FAM219A: variants seen among roughly 807,000 people sequenced by gnomAD.
The protein encoded by FAM219A is family with sequence similarity 219 member A.
In FAM219A, 7 loss-of-function variants were observed where a neutral mutation model predicts 23.4. That is an observed-to-expected ratio of 0.30 (90% CI 0.17 to 0.56). FAM219A has a LOEUF of 0.56. Among genes scored for constraint, FAM219A ranks in the 20% least tolerant of loss-of-function variants. The pLI, the probability that FAM219A is intolerant of heterozygous loss-of-function variation, is 0.92. For missense variants in FAM219A, 166 were observed against 246.9 expected, an observed-to-expected ratio of 0.67 and a Z score of 2.20; for synonymous variants, 93 against 99.0, an observed-to-expected ratio of 0.94 and a Z score of 0.36.
At chr9:34,407,330 GGAGAA>G (rs1039996232) in intron 1 of FAM219A, among the ~76,000 whole-genome samples, 3 of 151,900 alleles carry the variant, frequency 2.0e-5, no homozygotes, top group African/African-American at 4.8e-5. Flanking sequence ...CATTTTGGTT[GGAGAA>G]AAGGTTCTAT....
At chr9:34,442,422 C>T (rs777000282) in intron 1 of FAM219A, among the ~76,000 whole-genome samples, 25 of 152,296 alleles carry the variant, frequency 1.6e-4, no homozygotes, top group East Asian at 3.9e-4. Context: ...TGGCGGCTCA[C>T]GCCTGTAATC....
chr9:34,416,543 C>T (rs10972100), intron 1 of FAM219A, among the ~76,000 whole-genome samples: 3,806 of 152,134 alleles, frequency 0.025, 169 homozygotes, highest in African/African-American at 0.087. Flanking sequence ...GCAGGAGGAT[C>T]ACTTGAGGCC....
chr9:34,413,614 CAATACT>C (rs906208531), intron 1 of FAM219A, among the ~76,000 whole-genome samples: 14 of 152,212 alleles, frequency 9.2e-5, no homozygotes, highest in African/African-American at 3.4e-4. Context: ...GCGCTCATAC[CAATACT>C]ATCTAACCCT....
At chr9:34,456,152 C>T (rs1364528804) in intron 1 of FAM219A, among the ~76,000 whole-genome samples, 2 of 152,062 alleles carry the variant, frequency 1.3e-5, no homozygotes, top group East Asian at 1.9e-4. Context: ...AAGATCGTGC[C>T]ACTGCACTCT....
intron 1 of FAM219A, among the ~76,000 whole-genome samples, chr9:34,411,405 AAG>A (rs1821814646): frequency 6.6e-6 from 1 of 151,904 alleles, no homozygotes; most frequent in African/African-American, 2.4e-5. Context: ...ATAAAAAAAA[AAG>A]GGCTGGGCAC....
rs150913342 is a variant in FAM219A, at chr9:34,450,898, G to A, written c.60+7306C>T. Among the ~76,000 whole-genome samples the A allele has an allele frequency of 1.5e-3, 224 of 152,224 alleles. 1 individual carries two copies. Among genetic ancestry groups the A allele is most frequent in the Non-Finnish European group, 2.5e-3 (173 of 68,006 alleles). ...ATATGTTTAGACTTAGGGCTGGAACGGTCATTCAGAAAACACCATTCATAG... is the reference window on the plus strand; with the variant it reads ...ATATGTTTAGACTTAGGGCTGGAACAGTCATTCAGAAAACACCATTCATAG... On this transcript the variant is annotated intron_variant, in intron 1 of 5. Coordinates refer to ENST00000651358, the MANE Select transcript of FAM219A (RefSeq NM_001184940.2).
Position 34,458,381 on chromosome 9 carries a change from T to G in FAM219A, c.-118A>C. The G allele has an allele frequency of 1.6e-6, 1 of 624,544 alleles. No individual in the cohort carries two copies. 38.7% of individuals were successfully genotyped at this position (624,544 alleles called of 1,614,324 possible). ...TGCAGACTAGGCCTCCCCGGACCAC[T>G]CGGGCGGGCAGGGGCCGGGCGGATG... On this transcript the variant is annotated 5_prime_UTR_variant, in exon 1 of 6. Transcript: ENST00000651358. This position sits in a 1 kb window ranked among gnomAD's most constrained non-coding sequence, Gnocchi z 6.6.
At chr9:34,402,240 T>C (rs1158383325) in intron 4 of FAM219A, 147 bp downstream of exon 4, 1 of 1,605,332 alleles carries the variant, frequency 6.2e-7, no homozygotes, top group African/African-American at 1.3e-5. Context: ...GTAAAAAAAT[T>C]CCCATCCCTG....
chr9:34,455,551 C>T (rs1487773184), intron 1 of FAM219A, among the ~76,000 whole-genome samples: 2 of 151,112 alleles, frequency 1.3e-5, no homozygotes, highest in African/African-American at 4.9e-5. Context: ...ACTGCAGCCT[C>T]AACCTCCTGG....
intron 1 of FAM219A, among the ~76,000 whole-genome samples, chr9:34,453,428 C>A (rs939198678): frequency 9.9e-5 from 15 of 152,122 alleles, no homozygotes; most frequent in African/African-American, 2.9e-4. Context: ...CATTCCTCAC[C>A]CTCTCCCAAA....
intron 1 of FAM219A, among the ~76,000 whole-genome samples, chr9:34,416,556 G>A (rs948109081): frequency 7.2e-5 from 11 of 152,054 alleles, no homozygotes; most frequent in Non-Finnish European, 1.5e-4. Context: ...TTGAGGCCAG[G>A]AGTTCGAGAC....
rs56402341 is a variant in FAM219A at position 34,430,846 on chromosome 9, T to TAACAACAACAACAAC, written c.61-24897_61-24883dup. On this transcript the variant is annotated intron_variant, in intron 1 of 5. Coordinates refer to ENST00000651358, the MANE Select transcript of FAM219A (RefSeq NM_001184940.2). Reference sequence around the variant, plus strand: ...GCCCGAGTGAGACCATGTCTCCAAATAACAACAACAACAACAACAATAAGT... The same window carrying TAACAACAACAACAAC: ...GCCCGAGTGAGACCATGTCTCCAAATAACAACAACAACAACAACAACAACAACAACAACAATAAGT... Among the ~76,000 whole-genome samples the TAACAACAACAACAAC allele has an allele frequency of 7.2e-3, 1,086 of 150,370 alleles. 16 individuals carry two copies. The highest frequency in any genetic ancestry group is 0.022 in the African/African-American group (898 of 40,660).
In FAM219A at chr9:34,402,778, A is replaced by G. The variant is rs374056695; in HGVS notation, c.190T>C (p.Ser64Pro). The G allele has an allele frequency of 4.8e-5, 78 of 1,614,176 alleles. No homozygotes were observed. The Middle Eastern group carries it at 6.6e-4, about 14-fold the overall frequency. Residue 64 changes from serine (S) to proline (P), a missense_variant, in exon 3 of 6, where the codon TCC becomes CCC. Ser to Pro is a moderately conservative substitution (Grantham distance 74). Coordinates refer to ENST00000651358, the MANE Select transcript of FAM219A (RefSeq NM_001184940.2). ...EKQRELARKG[S>P]LKNGSMGSPV... ...CTACCCATGCTGCCATTCTTCAGGGAGCCCTTCCGGGCCAGCTCCCGCTGC... is the reference window on the plus strand; with the variant it reads ...CTACCCATGCTGCCATTCTTCAGGGGGCCCTTCCGGGCCAGCTCCCGCTGC...
At chr9:34,406,185 C>A in intron 1 of FAM219A, 1 of 695,406 alleles carries the variant, frequency 1.4e-6, no homozygotes, top group Non-Finnish European at 1.8e-6. Context: ...CCATGTACAC[C>A]CAACTTGGTG....
chr9:34,447,506 G>A (rs72735221), intron 1 of FAM219A, among the ~76,000 whole-genome samples: 7,562 of 152,226 alleles, frequency 0.05, 271 homozygotes, highest in Non-Finnish European at 0.065. Context: ...CCAGTGTCCC[G>A]GGAAATGGTA....
chr9:34,406,553 G>T, intron 1 of FAM219A: 4 of 927,334 alleles, frequency 4.3e-6, no homozygotes, highest in Non-Finnish European at 5.1e-6. Context: ...CACCTAAAGA[G>T]TGTCTCCGGG....
rs1435826139 is a variant in FAM219A at position 34,401,042 on chromosome 9, G to A, written c.480C>T (p.Asp160=). Residue 160 remains aspartate (D), a synonymous_variant, in exon 6 of 6, where the codon GAC becomes GAT. Transcript: ENST00000651358. ...GGTTCACGGACTTGGGGGGGATGAGGTCTAGGTCCTCGTCGTCGGGGATCT... is the reference window on the plus strand; with the variant it reads ...GGTTCACGGACTTGGGGGGGATGAGATCTAGGTCCTCGTCGTCGGGGATCT... ...LDEIPDDEDL[D]LIPPKSVNPT... 1.9e-6 allele frequency: 3 copies of A among 1,610,928 alleles called. No individual in the cohort carries two copies. The highest frequency in any genetic ancestry group is 2.5e-6 in the Non-Finnish European group (3 of 1,178,252).
At chr9:34,454,748 C>T (rs956098516) in intron 1 of FAM219A, among the ~76,000 whole-genome samples, 23 of 152,328 alleles carry the variant, frequency 1.5e-4, no homozygotes, top group African/African-American at 4.1e-4. Flanking sequence ...AGTTCTGCCA[C>T]GCCCCCAGGC....
At chr9:34,423,756 C>T (rs895866664) in intron 1 of FAM219A, among the ~76,000 whole-genome samples, 2 of 152,082 alleles carry the variant, frequency 1.3e-5, no homozygotes, top group African/African-American at 4.8e-5. Context: ...AAGTCAGTGT[C>T]AGTGGGGTTG....
Sources: allele counts gnomAD v4.1 joint callset (sites outside exome capture counted in the v4.1 genomes callset), GRCh38; gene constraint gnomAD v4.1.1; non-coding constraint Gnocchi (gnomAD v3.1); transcripts MANE v1.5; gene names NCBI Gene and HGNC (gene_info 2026-07-23, HGNC 2026-07-21).